Variants in RPL3L observed in about 807,000 individuals in gnomAD.
RPL3L encodes ribosomal protein uL3-like.
A neutral mutation model predicts 44.5 loss-of-function variants in RPL3L; 44 were observed. The ratio of observed to expected loss-of-function variants is 0.99; its 90% CI spans 0.78 to 1.27. The LOEUF (loss-of-function observed/expected upper bound fraction) is 1.27, where lower values mean the gene tolerates loss of function less well. Ranked by LOEUF, RPL3L falls within the 50% of genes most tolerant of loss-of-function variation. The pLI is 0.00. For synonymous variants in RPL3L, 292 were observed against 230.7 expected, an observed-to-expected ratio of 1.27 and a Z score of -2.41; for missense variants, 631 against 569.1, an observed-to-expected ratio of 1.11 and a Z score of -1.11.
At chr16:1,947,748 T>C (rs542758223) in intron 4 of RPL3L, among the ~76,000 whole-genome samples, 5 of 151,912 alleles carry the variant, frequency 3.3e-5, no homozygotes, top group East Asian at 1.9e-4. Context: ...GAGGCAAACA[T>C]TGGAGAGGCT....
At chr16:1,951,717 G>A (rs2150864982) in intron 3 of RPL3L, among the ~76,000 whole-genome samples, 1 of 145,194 alleles carries the variant, frequency 6.9e-6, no homozygotes, top group South Asian at 2.3e-4. Context: ...CAGAGTTCTG[G>A]GAGGTGGACA....
At chr16:1,945,659 C>T (rs201143512) in intron 8 of RPL3L, 41 bp from the exon 9 acceptor site, 9 of 1,611,760 alleles carry the variant, frequency 5.6e-6, no homozygotes, top group Middle Eastern at 1.6e-4. Context: ...GTGTGGGGAT[C>T]CCCCACACCC....
rs376214777 is a variant in RPL3L at position 1,954,636 on chromosome 16, G to A, written c.-5C>T. On this transcript the variant is annotated 5_prime_UTR_variant, in exon 1 of 10. Transcript: ENST00000268661. ...CACCCTGGTCCCACCAACCATGGTG[G>A]CCGATCCCTGAAGGTCAGGAAGGGG... 6.4e-7 allele frequency: 1 copy of A among 1,550,558 alleles called. No homozygotes were observed.
Position 1,945,594 on chromosome 16 carries a change from G to T in RPL3L, c.1072C>A (p.Gln358Lys). ...TTGAGCTCAATATTCTCCACGGCTTGGCGACTGTGATGCACCAGGAGGGAC... is the reference window on the plus strand; with the variant it reads ...TTGAGCTCAATATTCTCCACGGCTTTGCGACTGTGATGCACCAGGAGGGAC... ...RKSLLVHHSR[Q>K]AVENIELKFI... is the part of the protein sequence containing the mutation. The change falls in exon 9 of 10, where the codon CAA becomes AAA. Residue 358 changes from glutamine (Q) to lysine (K), a missense_variant. By Grantham distance (53) the Gln-to-Lys change is moderately conservative (BLOSUM62 1). Transcript: ENST00000268661. 2.5e-6 allele frequency: 4 copies of T among 1,613,902 alleles called. No individual in the cohort carries two copies. Among genetic ancestry groups the T allele is most frequent in the Non-Finnish European group, 3.4e-6 (4 of 1,179,986 alleles).
chr16:1,953,219 G>T (rs1213276670), intron 2 of RPL3L, among the ~76,000 whole-genome samples, 177 bp from the exon 3 acceptor site: 1 of 152,086 alleles, frequency 6.6e-6, no homozygotes, highest in African/African-American at 2.4e-5. Context: ...GATTACAATG[G>T]ATTTCTTTTT....
chr16:1,946,604 G>C (rs750979562), intron 7 of RPL3L, 21 bp downstream of exon 7: 1 of 1,607,144 alleles, frequency 6.2e-7, no homozygotes, highest in Non-Finnish European at 8.5e-7. Context: ...GGGCCTGGCA[G>C]TCGCCCCCTC....
At position 1,950,895 on chromosome 16, in the gene RPL3L, G is replaced by A. The variant is rs150997667; in HGVS notation, c.450C>T (p.Phe150=). 3.6e-4 allele frequency: 574 copies of A among 1,614,056 alleles called. 2 individuals are homozygous for A. The highest frequency in any genetic ancestry group is 1.6e-3 in the Admixed American group (96 of 60,006). Reference sequence around the variant, plus strand: ...CCTTGCAGTACTTCTTCATGGCGGCGAAGTCCTTCTGTAGCTGCTTTTTCC... The same window carrying A: ...CCTTGCAGTACTTCTTCATGGCGGCAAAGTCCTTCTGTAGCTGCTTTTTCC... ...TDGKKQLQKD[F]AAMKKYCKVI... The change falls in exon 4 of 10, where the codon TTC becomes TTT. Residue 150 remains phenylalanine (F), a synonymous_variant. Coordinates refer to ENST00000268661, the MANE Select transcript of RPL3L (RefSeq NM_005061.3).
chr16:1,948,022 CTG>C (rs2083138015), intron 4 of RPL3L, among the ~76,000 whole-genome samples: 2 of 149,896 alleles, frequency 1.3e-5, no homozygotes, highest in African/African-American at 4.9e-5. Context: ...ACTGCAAGCT[CTG>C]CCTCCCGGGT....
Position 1,954,620 on chromosome 16 carries a change from C to T in RPL3L, c.3+9G>A, listed in dbSNP as rs776885344. On this transcript the variant is annotated intron_variant, in intron 1 of 9. Coordinates refer to ENST00000268661, the MANE Select transcript of RPL3L (RefSeq NM_005061.3). ...AACCCCAGCCCACCCTCACCCTGGT[C>T]CCACCAACCATGGTGGCCGATCCCT... 2.7e-5 allele frequency: 41 copies of T among 1,544,498 alleles called. No homozygotes were observed. The highest frequency in any genetic ancestry group is 3.6e-5 in the Non-Finnish European group (41 of 1,147,734).
chr16:1,953,838 C>T (rs2083188341), intron 2 of RPL3L, 118 bp downstream of exon 2: 5 of 1,083,066 alleles, frequency 4.6e-6, no homozygotes, highest in African/African-American at 3.3e-5. Flanking sequence ...TTCCCGGGGG[C>T]GAGGCCTGGT....
chr16:1,951,135 T>G (rs546368747), intron 3 of RPL3L, among the ~76,000 whole-genome samples, 156 bp from the exon 4 acceptor site: 1 of 151,926 alleles, frequency 6.6e-6, no homozygotes, highest in Non-Finnish European at 1.5e-5. Context: ...AGCCACCATC[T>G]TTGAACATAG....
In RPL3L at chr16:1,953,055, C is replaced by A; in HGVS notation, c.197-13G>T. 2 of 1,582,078 alleles carry A rather than the reference C, an allele frequency of 1.3e-6. No homozygotes were observed. Among genetic ancestry groups the A allele is most frequent in the Non-Finnish European group, 1.7e-6 (2 of 1,164,204 alleles). ...CGTTTGGAAATTTCTGGATGAGACA[C>A]AGGGATGGGGCATGAAGGGGGACCT... On this transcript the variant is annotated splice_polypyrimidine_tract_variant and intron_variant, in intron 2 of 9. Transcript: ENST00000268661.
chr16:1,952,129 A>ATT (rs547211544), intron 3 of RPL3L, among the ~76,000 whole-genome samples: 19 of 141,952 alleles, frequency 1.3e-4, no homozygotes, highest in African/African-American at 2.1e-4. Flanking sequence ...TTTTATTTTT[A>ATT]TTTTTTTTTT....
At chr16:1,948,039 G>A (rs914257621) in intron 4 of RPL3L, among the ~76,000 whole-genome samples, 2 of 147,866 alleles carry the variant, frequency 1.4e-5, no homozygotes, top group Admixed American at 7.0e-5. Flanking sequence ...CCGGGTTCAC[G>A]CCATTCCCCT....
At position 1,947,105 on chromosome 16, in the gene RPL3L, G is replaced by C; in HGVS notation, c.689-7C>G. The stretch of plus-strand genomic sequence containing the variant: ...TGCCAGCGGCTTGTGACCCCTGTGA[G>C]TGAGAGGGGCTGGTGGCTGAGAGGC... On this transcript the variant is annotated splice_polypyrimidine_tract_variant and splice_region_variant and intron_variant, in intron 5 of 9. Transcript: ENST00000268661. 6.2e-7 allele frequency: 1 copy of C among 1,613,530 alleles called. No homozygotes were observed. The highest frequency in any genetic ancestry group is 8.5e-7 in the Non-Finnish European group (1 of 1,179,994).
In RPL3L at chr16:1,954,665, C is replaced by G. The variant is rs775334849; in HGVS notation, c.-34G>C. Reference sequence around the variant, plus strand: ...ATCCCTGAAGGTCAGGAAGGGGCCTCGCCGCTAGCCGCCAGAGGTCGAGTG... The same window carrying G: ...ATCCCTGAAGGTCAGGAAGGGGCCTGGCCGCTAGCCGCCAGAGGTCGAGTG... On this transcript the variant is annotated 5_prime_UTR_variant, in exon 1 of 10. Coordinates refer to ENST00000268661, the MANE Select transcript of RPL3L (RefSeq NM_005061.3). 6.6e-7 allele frequency: 1 copy of G among 1,516,832 alleles called. No individual in the cohort carries two copies. Among genetic ancestry groups the G allele is most frequent in the Non-Finnish European group, 8.8e-7 (1 of 1,131,322 alleles). The allele number at this position is 1,516,832 out of a possible 1,614,324, so 94.0% of individuals were successfully genotyped here.
intron 4 of RPL3L, among the ~76,000 whole-genome samples, chr16:1,948,461 GC>G (rs1288105628): frequency 1.3e-5 from 2 of 151,954 alleles, no homozygotes; most frequent in Non-Finnish European, 2.9e-5. Context: ...CTGACTTCAA[GC>G]GATCCACCCA....
intron 9 of RPL3L, 116 bp downstream of exon 9, chr16:1,945,383 G>C (rs1357083654): frequency 7.7e-6 from 7 of 913,002 alleles, no homozygotes; most frequent in Middle Eastern, 3.7e-4. Context: ...AAAAAAAAGA[G>C]TCTCTCCTGC....
chr16:1,950,642 C>G (rs566881148), intron 4 of RPL3L, among the ~76,000 whole-genome samples: 1 of 152,188 alleles, frequency 6.6e-6, no homozygotes, highest in Non-Finnish European at 1.5e-5. Context: ...GTGGCTGATG[C>G]CCCTGGCACC....
Sources: allele counts gnomAD v4.1 joint callset (sites outside exome capture counted in the v4.1 genomes callset), GRCh38; gene constraint gnomAD v4.1.1; transcripts MANE v1.5; gene names NCBI Gene and HGNC (gene_info 2026-07-23, HGNC 2026-07-21).